The following DACH1 variants were observed in gnomAD, a reference collection of about 807,000 sequenced individuals.
The protein encoded by DACH1 is dachshund family transcription factor 1.
DACH1 carries 12 observed loss-of-function variants against 54.2 expected under a neutral mutation model. The ratio of observed to expected loss-of-function variants is 0.22; its 90% CI spans 0.14 to 0.36. DACH1 has a LOEUF of 0.36. Ranked by LOEUF, DACH1 falls within the 10% of genes least tolerant of loss-of-function variation. The pLI is 1.00. For synonymous variants in DACH1, 386 were observed against 366.2 expected (o/e 1.05, Z -0.62); for missense variants, 805 against 929.8 (o/e 0.87, Z 1.75).
chr13:71,663,409 A>G (rs1879634564), intron 2 of DACH1, among the ~76,000 whole-genome samples: 1 of 152,014 alleles, frequency 6.6e-6, no homozygotes, highest in Non-Finnish European at 1.5e-5. Context: ...AAAAAGCTAG[A>G]TTGAAAAGAC....
intron 1 of DACH1, among the ~76,000 whole-genome samples, chr13:71,759,022 G>A (rs555523375): frequency 6.6e-6 from 1 of 152,068 alleles, no homozygotes; most frequent in Non-Finnish European, 1.5e-5. Flanking sequence ...GGAGCATGGG[G>A]AGTGTTTACT....
At chr13:71,643,854 GA>G (rs550091772) in intron 2 of DACH1, among the ~76,000 whole-genome samples, 135 of 145,112 alleles carry the variant, frequency 9.3e-4, no homozygotes, top group Non-Finnish European at 9.3e-4. Context: ...AGGGAAAGAA[GA>G]AAAAAAAAAG....
intron 1 of DACH1, among the ~76,000 whole-genome samples, chr13:71,857,304 C>A (rs1487968253): frequency 6.6e-6 from 1 of 151,052 alleles, no homozygotes; most frequent in African/African-American, 2.4e-5. Context: ...AAAATTAATT[C>A]TTTTTTTCTG....
chr13:71,791,090 C>G (rs900190775), intron 1 of DACH1, among the ~76,000 whole-genome samples: 1 of 152,154 alleles, frequency 6.6e-6, no homozygotes, highest in Non-Finnish European at 1.5e-5. Flanking sequence ...CCCAAGATAG[C>G]ATTTCTGTGT....
chr13:71,546,321 T>C (rs1207143533), intron 6 of DACH1, among the ~76,000 whole-genome samples: 1 of 152,044 alleles, frequency 6.6e-6, no homozygotes, highest in Non-Finnish European at 1.5e-5. Context: ...AAAATTAATT[T>C]ATGGCTTTTT....
intron 3 of DACH1, among the ~76,000 whole-genome samples, chr13:71,628,484 G>A (rs1331222397): frequency 3.3e-5 from 5 of 151,974 alleles, no homozygotes; most frequent in Non-Finnish European, 4.4e-5. Flanking sequence ...CAGCAACACC[G>A]ATATTATGTT....
intron 2 of DACH1, among the ~76,000 whole-genome samples, chr13:71,676,008 C>G (rs1002146172): frequency 1.3e-5 from 2 of 152,058 alleles, no homozygotes; most frequent in Admixed American, 6.6e-5. Context: ...AAAATACAAA[C>G]ATTGTATAAA....
intron 6 of DACH1, among the ~76,000 whole-genome samples, chr13:71,490,891 G>T (rs1021474739): frequency 2.0e-4 from 30 of 152,102 alleles, no homozygotes; most frequent in African/African-American, 7.0e-4. Flanking sequence ...TAGATCATGG[G>T]GATAATAATT....
intron 1 of DACH1, among the ~76,000 whole-genome samples, chr13:71,690,128 A>G (rs941785810): frequency 2.0e-5 from 3 of 152,210 alleles, no homozygotes; most frequent in Non-Finnish European, 4.4e-5. Flanking sequence ...CAAGTCACTT[A>G]CCACTTGATA....
intron 6 of DACH1, among the ~76,000 whole-genome samples, chr13:71,527,578 C>A (rs2138296589): frequency 6.6e-6 from 1 of 152,266 alleles, no homozygotes; most frequent in East Asian, 1.9e-4. Context: ...CCGTATCGGT[C>A]CTTCATCATT....
chr13:71,732,031 T>C (rs1043718953), intron 1 of DACH1, among the ~76,000 whole-genome samples: 3 of 152,204 alleles, frequency 2.0e-5, no homozygotes, highest in African/African-American at 4.8e-5. Flanking sequence ...AGATCATACA[T>C]TGACCTTTAT....
chr13:71,704,980 TA>T (rs1732275107), intron 1 of DACH1, among the ~76,000 whole-genome samples: 1 of 152,132 alleles, frequency 6.6e-6, no homozygotes, highest in Non-Finnish European at 1.5e-5. Flanking sequence ...AATACAAAAA[TA>T]AAATAAATTC....
intron 6 of DACH1, among the ~76,000 whole-genome samples, chr13:71,525,108 C>A (rs1215539375): frequency 6.6e-6 from 1 of 152,088 alleles, no homozygotes; most frequent in Non-Finnish European, 1.5e-5. Flanking sequence ...AAATAATGAG[C>A]CTTTGCTTCG....
At chr13:71,500,356 C>T (rs968910761) in intron 6 of DACH1, among the ~76,000 whole-genome samples, 1 of 152,116 alleles carries the variant, frequency 6.6e-6, no homozygotes, top group African/African-American at 2.4e-5. Flanking sequence ...CTGTTCTCTT[C>T]TTATCAGCTC....
chr13:71,785,206 G>C (rs553090830), intron 1 of DACH1, among the ~76,000 whole-genome samples: 1 of 152,018 alleles, frequency 6.6e-6, no homozygotes, highest in Non-Finnish European at 1.5e-5. Flanking sequence ...TAAGAAACCC[G>C]GTTGTATCTT....
At chr13:71,475,006 C>T in intron 10 of DACH1, 135 bp downstream of exon 10, 1 of 698,576 alleles carries the variant, frequency 1.4e-6, no homozygotes, top group Non-Finnish European at 2.5e-6. Context: ...TATAAACAAG[C>T]AAGATGAACT....
chr13:71,863,789 C>T (rs1566549817), intron 1 of DACH1, among the ~76,000 whole-genome samples: 2 of 148,694 alleles, frequency 1.3e-5, no homozygotes, highest in East Asian at 3.9e-4. Context: ...TTTGTGTTTA[C>T]GTGTGTGTAT....
chr13:71,702,433 C>T (rs755024842), intron 1 of DACH1, among the ~76,000 whole-genome samples: 2 of 152,108 alleles, frequency 1.3e-5, no homozygotes, highest in African/African-American at 2.4e-5. Context: ...AACAAGCAAA[C>T]ATTAACAAAT....
intron 4 of DACH1, among the ~76,000 whole-genome samples, chr13:71,564,648 G>A (rs951926376): frequency 6.6e-6 from 1 of 151,944 alleles, no homozygotes; most frequent in East Asian, 1.9e-4. Context: ...AGTGTAAAAT[G>A]TTCAGTACTA....
Sources: allele counts gnomAD v4.1 joint callset (sites outside exome capture counted in the v4.1 genomes callset), GRCh38; gene constraint gnomAD v4.1.1; transcripts MANE v1.5; gene names NCBI Gene and HGNC (gene_info 2026-07-23, HGNC 2026-07-21).